The following ALOX5AP variants were observed in gnomAD, a reference collection of about 807,000 sequenced individuals.
ALOX5AP encodes arachidonate 5-lipoxygenase-activating protein.
ALOX5AP carries 9 observed loss-of-function variants against 18.5 expected under a neutral mutation model. That is an observed-to-expected ratio of 0.49 (90% CI 0.29 to 0.85). ALOX5AP has a LOEUF of 0.85. Ranked by LOEUF, ALOX5AP falls within the 40% of genes least tolerant of loss-of-function variation. The pLI, the probability that ALOX5AP is intolerant of heterozygous loss-of-function variation, is 0.08. For synonymous variants in ALOX5AP, 81 were observed against 78.6 expected (o/e 1.03, Z -0.16); for missense variants, 172 against 202.5 (o/e 0.85, Z 0.91).
intron 1 of ALOX5AP, among the ~76,000 whole-genome samples, chr13:30,726,408 T>C (rs1001323870): frequency 6.6e-6 from 1 of 152,180 alleles, no homozygotes; most frequent in Non-Finnish European, 1.5e-5. Flanking sequence ...GGAATGAAGA[T>C]TTGAGTCACC....
intron 1 of ALOX5AP, among the ~76,000 whole-genome samples, chr13:30,740,241 T>C (rs1303264801): frequency 6.6e-6 from 1 of 152,264 alleles, no homozygotes; most frequent in Non-Finnish European, 1.5e-5. Flanking sequence ...TGCTGACTCA[T>C]ATTAACTCTG....
chr13:30,741,391 C>CTTTTTTTTTTTTTT, intron 1 of ALOX5AP, among the ~76,000 whole-genome samples: 1 of 128,776 alleles, frequency 7.8e-6, no homozygotes. Context: ...CTTGTTTTGT[C>CTTTTTTTTTTTTTT]TTTTTTTTTT....
intron 2 of ALOX5AP, among the ~76,000 whole-genome samples, chr13:30,750,926 A>G (rs915616399): frequency 1.3e-5 from 2 of 152,182 alleles, no homozygotes; most frequent in African/African-American, 4.8e-5. Flanking sequence ...AATACAGGTG[A>G]CCTCTAGAAG....
At chr13:30,734,582 C>T (rs968728016), upstream of ALOX5AP, among the ~76,000 whole-genome samples, 6 of 152,240 alleles carry the variant, frequency 3.9e-5, no homozygotes, top group Non-Finnish European at 8.8e-5. Flanking sequence ...CCACCTCACC[C>T]ACCCAGCAGG....
chr13:30,727,914 T>G (rs960390759), intron 1 of ALOX5AP, among the ~76,000 whole-genome samples: 2 of 152,132 alleles, frequency 1.3e-5, no homozygotes, highest in Non-Finnish European at 2.9e-5. Context: ...CCTTTAGATT[T>G]TAGGATTCAG....
At chr13:30,762,942 A>C (rs1951954254) in intron 4 of ALOX5AP, among the ~76,000 whole-genome samples, 1 of 152,330 alleles carries the variant, frequency 6.6e-6, no homozygotes, top group Admixed American at 6.5e-5. Context: ...TCTGCATGCC[A>C]TTAGGAGGTC....
At chr13:30,718,410 T>TATCTATA (rs1324093793) in intron 1 of ALOX5AP, among the ~76,000 whole-genome samples, 5 of 149,764 alleles carry the variant, frequency 3.3e-5, no homozygotes, top group Non-Finnish European at 7.4e-5. Context: ...TATATATGCA[T>TATCTATA]ATCTATAATA....
At chr13:30,757,623 A>ACC (rs1951907305) in intron 4 of ALOX5AP, among the ~76,000 whole-genome samples, 3 of 151,876 alleles carry the variant, frequency 2.0e-5, no homozygotes, top group Admixed American at 6.6e-5. Context: ...GCCCTATCTT[A>ACC]CCCCCTGCAA....
intron 1 of ALOX5AP, among the ~76,000 whole-genome samples, chr13:30,718,382 C>CATATATATATATATAT (rs59562797): frequency 5.9e-4 from 83 of 139,718 alleles, no homozygotes; most frequent in African/African-American, 8.0e-4. Flanking sequence ...CACAGATATG[C>CATATATATATATATAT]ATATATATAT....
At chr13:30,715,698 A>T (rs1241722788) in intron 1 of ALOX5AP, among the ~76,000 whole-genome samples, 2 of 152,312 alleles carry the variant, frequency 1.3e-5, no homozygotes, top group South Asian at 2.1e-4. Context: ...TCCCATGAGG[A>T]TATGTTCAGA....
intron 1 of ALOX5AP, among the ~76,000 whole-genome samples, chr13:30,719,900 TC>T (rs1951580240): frequency 1.3e-5 from 2 of 152,156 alleles, no homozygotes; most frequent in East Asian, 1.9e-4. Flanking sequence ...TCTTGCTCTG[TC>T]ACTAGGCTGG....
chr13:30,757,017 C>T (rs9508833), intron 4 of ALOX5AP, among the ~76,000 whole-genome samples: 4,228 of 152,102 alleles, frequency 0.028, 79 homozygotes, highest in South Asian at 0.043. Flanking sequence ...TAGAGTATGC[C>T]GTCAGTTCCT....
At chr13:30,762,266 TGA>T (rs1176802797) in intron 4 of ALOX5AP, among the ~76,000 whole-genome samples, 1 of 152,234 alleles carries the variant, frequency 6.6e-6, no homozygotes, top group African/African-American at 2.4e-5. Flanking sequence ...ACATAATGGC[TGA>T]GTGACTTTCA....
intron 1 of ALOX5AP, among the ~76,000 whole-genome samples, chr13:30,714,127 G>A (rs976296508): frequency 2.0e-5 from 3 of 151,446 alleles, no homozygotes; most frequent in Non-Finnish European, 2.9e-5. Flanking sequence ...AGTTACCCCT[G>A]GAGGTAACTC....
At chr13:30,728,150 G>A (rs1951653572) in intron 1 of ALOX5AP, among the ~76,000 whole-genome samples, 1 of 152,138 alleles carries the variant, frequency 6.6e-6, no homozygotes, top group Non-Finnish European at 1.5e-5. Context: ...GAAACGCCAA[G>A]GGAGAACACC....
At chr13:30,758,201 GC>G (rs1951911935) in intron 4 of ALOX5AP, among the ~76,000 whole-genome samples, 1 of 152,160 alleles carries the variant, frequency 6.6e-6, no homozygotes, top group Admixed American at 6.5e-5. Flanking sequence ...TGATATAGAT[GC>G]AAGCCAGAGG....
intron 1 of ALOX5AP, 33 bp from the exon 2 acceptor site, chr13:30,744,027 A>G: frequency 6.3e-7 from 1 of 1,584,422 alleles, no homozygotes. Flanking sequence ...ACATGCCCAC[A>G]ATGAACCAGA....
intron 1 of ALOX5AP, among the ~76,000 whole-genome samples, chr13:30,737,463 C>T (rs1951730415): frequency 6.6e-6 from 1 of 152,146 alleles, no homozygotes. Flanking sequence ...TTCTGTGGGA[C>T]AAGTGGGAGG....
Position 30,764,116 on chromosome 13 carries a change from G to A in ALOX5AP, c.*10G>A. ...ACTTCTCATTCCCTAACTCTCTGCT[G>A]AATATGGGGTTGGTGTTCTCATCTA... On this transcript the variant is annotated 3_prime_UTR_variant, in exon 5 of 5. Transcript: ENST00000380490. 1 of 1,612,634 alleles carries A rather than the reference G, an allele frequency of 6.2e-7. No individual in the cohort carries two copies. The highest frequency in any genetic ancestry group is 2.2e-5 in the East Asian group (1 of 44,872).
Sources: allele counts gnomAD v4.1 joint callset (sites outside exome capture counted in the v4.1 genomes callset), GRCh38; gene constraint gnomAD v4.1.1; transcripts MANE v1.5; gene names NCBI Gene and HGNC (gene_info 2026-07-23, HGNC 2026-07-21).